The following LMNA variants were observed in gnomAD, a reference collection of about 807,000 sequenced individuals.
LMNA encodes lamin.
LMNA carries 20 observed loss-of-function variants against 70.4 expected under a neutral mutation model. The ratio of observed to expected loss-of-function variants is 0.28; its 90% CI spans 0.20 to 0.41. LMNA has a LOEUF of 0.41. Among genes scored for constraint, LMNA ranks in the 10% least tolerant of loss-of-function variants. The pLI is 1.00. For missense variants in LMNA, 652 were observed against 917.2 expected (o/e 0.71, Z 3.73); for synonymous variants, 339 against 372.8 (o/e 0.91, Z 1.04).
At chr1:156,086,404 C>CTG (rs1648476487) in intron 2 of LMNA, among the ~76,000 whole-genome samples, 1 of 151,988 alleles carries the variant, frequency 6.6e-6, no homozygotes, top group Non-Finnish European at 1.5e-5. Context: ...CTCTCTCTCT[C>CTG]TCTCTCTCTC....
chr1:156,093,450 C>T (rs1250680757), intron 3 of LMNA, among the ~76,000 whole-genome samples: 4 of 151,708 alleles, frequency 2.6e-5, no homozygotes, highest in Non-Finnish European at 5.9e-5. Flanking sequence ...GGATTACAGG[C>T]GTGCGCCACC....
At position 156,135,305 on chromosome 1, in the gene LMNA, A is replaced by G; in HGVS notation, c.929A>G (p.Gln310Arg). 6.2e-7 allele frequency: 1 copy of G among 1,603,954 alleles called. No individual in the cohort carries two copies. The highest frequency in any genetic ancestry group is 8.5e-7 in the Non-Finnish European group (1 of 1,174,168). Reference sequence around the variant, plus strand: ...CTCTCTGCCCAGCTCAGCCAGCTCCAGAAGCAGGTGATACCCCACCTCACC... The same window carrying G: ...CTCTCTGCCCAGCTCAGCCAGCTCCGGAAGCAGGTGATACCCCACCTCACC... ...DSLSAQLSQL[Q>R]KQLAAKEAKL... is the part of the protein sequence containing the mutation. The change falls in exon 5 of 12, where the codon CAG becomes CGG. Residue 310 changes from glutamine (Q) to arginine (R), a missense_variant. Around this residue, in one of 4 missense-constraint regions of LMNA, gnomAD observed 254 missense variants for 421.9 expected, o/e 0.60. Transcript: ENST00000368300. This position sits in a 1 kb window ranked among gnomAD's most constrained non-coding sequence, Gnocchi z 4.8.
chr1:156,083,296 T>G (rs536923713), intron 2 of LMNA: 1 of 151,716 alleles, frequency 6.6e-6, no homozygotes, highest in African/African-American at 2.4e-5. Flanking sequence ...GGACGGAGAG[T>G]GGGCAGGCAG....
intron 1 of LMNA, chr1:156,126,775 G>T (rs1558123291): frequency 3.1e-6 from 5 of 1,593,882 alleles, no homozygotes; most frequent in Non-Finnish European, 4.3e-6. Flanking sequence ...AGGATGCCCA[G>T]CCCTTCTCGC....
rs1202899745 is a variant in LMNA, at chr1:156,139,136, G to A, written c.*30G>A. ...GGACCTGCCAGGCAGGGGTGGGGGTGGAGGCTTCCTGCGTCCTCCTCACCT... is the reference window on the plus strand; with the variant it reads ...GGACCTGCCAGGCAGGGGTGGGGGTAGAGGCTTCCTGCGTCCTCCTCACCT... On this transcript the variant is annotated 3_prime_UTR_variant, in exon 12 of 12. Coordinates refer to ENST00000368300, the MANE Select transcript of LMNA (RefSeq NM_170707.4). 4 of 1,613,578 alleles carry A rather than the reference G, an allele frequency of 2.5e-6. No individual in the cohort carries two copies. The highest frequency in any genetic ancestry group is 1.7e-5 in the Admixed American group (1 of 60,030).
chr1:156,084,335 T>G (rs11313904), intron 2 of LMNA, among the ~76,000 whole-genome samples: 8,420 of 86,544 alleles, frequency 0.097, 704 homozygotes, highest in Non-Finnish European at 0.14. Context: ...GGTCGGGGGG[T>G]GGTGGGGGCA....
chr1:156,119,268 C>A (rs960871839), intron 1 of LMNA, among the ~76,000 whole-genome samples: 1 of 152,184 alleles, frequency 6.6e-6, no homozygotes, highest in Non-Finnish European at 1.5e-5. Context: ...CAGGCACATG[C>A]CATCACGCCC....
chr1:156,095,406 TGA>T (rs1401590525), intron 3 of LMNA, among the ~76,000 whole-genome samples: 6 of 152,226 alleles, frequency 3.9e-5, no homozygotes, highest in African/African-American at 1.4e-4. Flanking sequence ...TGATACTGAA[TGA>T]GTCACTCCCC....
At chr1:156,126,773 C>T (rs1174021302) in intron 1 of LMNA, 8 of 1,591,648 alleles carry the variant, frequency 5.0e-6, no homozygotes, top group Non-Finnish European at 6.8e-6. Context: ...ACAGGATGCC[C>T]AGCCCTTCTC....
intron 11 of LMNA, 67 bp from the exon 12 acceptor site, chr1:156,139,013 C>A: frequency 6.5e-7 from 1 of 1,547,832 alleles, no homozygotes; most frequent in Non-Finnish European, 8.9e-7. Flanking sequence ...CTTCTAGGGG[C>A]CAGGGGAGGG....
chr1:156,137,654 G>A lies in LMNA; in HGVS notation c.1609G>A (p.Glu537Lys), dbSNP rs932531070. ...GGACCTGGTTCCATGTCCCCACCAGGAAGTGGCCATGCGCAAGCTGGTGCG... is the reference window on the plus strand; with the variant it reads ...GGACCTGGTTCCATGTCCCCACCAGAAAGTGGCCATGCGCAAGCTGGTGCG... ...RTALINSTGE[E>K]VAMRKLVRSV... The change falls in exon 10 of 12, where the codon GAA (glutamate) becomes AAA (lysine). Residue 537 changes from glutamate (E) to lysine (K), a missense_variant and splice_region_variant. Physicochemically the swap from Glu to Lys is moderately conservative, Grantham distance 56. Around this residue, in one of 4 missense-constraint regions of LMNA, gnomAD observed 327 missense variants for 387.6 expected, o/e 0.84. Coordinates refer to ENST00000368300, the MANE Select transcript of LMNA (RefSeq NM_170707.4). This position sits in a 1 kb window ranked among gnomAD's most constrained non-coding sequence, Gnocchi z 4.6. 1 of 1,552,990 alleles carries A rather than the reference G, an allele frequency of 6.4e-7. No homozygotes were observed.
chr1:156,135,383 TTGGGGGTGGGGG>T lies in LMNA; in HGVS notation c.936+82_936+93del. ...CCGGATGCAGGCTGGAAGCCCAGGGTTGGGGGTGGGGGTGGGGGTGGGAGGTTCCTGAGGAGG... is the reference window on the plus strand; with the variant it reads ...CCGGATGCAGGCTGGAAGCCCAGGGTTGGGGGTGGGAGGTTCCTGAGGAGG... On this transcript the variant is annotated intron_variant, in intron 5 of 11. Coordinates refer to ENST00000368300, the MANE Select transcript of LMNA (RefSeq NM_170707.4). The surrounding 1 kb of genome is among the most constrained non-coding windows in gnomAD (Gnocchi z 4.8). 7 of 1,357,346 alleles carry T rather than the reference TTGGGGGTGGGGG, an allele frequency of 5.2e-6. No homozygotes were observed. Among genetic ancestry groups the T allele is most frequent in the Middle Eastern group, 2.6e-4 (1 of 3,832 alleles). 84.1% of individuals were successfully genotyped at this position (1,357,346 alleles called of 1,614,324 possible).
chr1:156,136,386 G>A lies in LMNA; in HGVS notation c.1330G>A (p.Glu444Lys), dbSNP rs545531053. Residue 444 changes from glutamate to lysine, a missense_variant, in exon 7 of 12, where the codon GAG (glutamate) becomes AAG (lysine). Coordinates refer to ENST00000368300, the MANE Select transcript of LMNA (RefSeq NM_170707.4). This position sits in a 1 kb window ranked among gnomAD's most constrained non-coding sequence, Gnocchi z 6.1. ...ARTSGRVAVE[E>K]VDEEGKFVRL... ...CACTAGCGGGCGCGTGGCCGTGGAG[G>A]AGGTGGATGAGGAGGGCAAGTTTGT... is the stretch of plus-strand genomic sequence containing the variant. The A allele has an allele frequency of 6.2e-7, 1 of 1,610,220 alleles. No individual in the cohort carries two copies. Among genetic ancestry groups the A allele is most frequent in the African/African-American group, 1.3e-5 (1 of 74,918 alleles).
chr1:156,089,694 G>T (rs901888637), intron 2 of LMNA, among the ~76,000 whole-genome samples: 3 of 152,112 alleles, frequency 2.0e-5, no homozygotes, highest in Non-Finnish European at 4.4e-5. Flanking sequence ...TGTTGTTGTG[G>T]ATCTGATCTC....
chr1:156,086,932 C>T (rs1018252360), intron 2 of LMNA, among the ~76,000 whole-genome samples: 1 of 152,182 alleles, frequency 6.6e-6, no homozygotes, highest in Non-Finnish European at 1.5e-5. Flanking sequence ...TGAGCCACCG[C>T]GCCCGGCCAG....
In LMNA at chr1:156,135,686, G is replaced by T; in HGVS notation, c.937-215G>T. On this transcript the variant is annotated intron_variant, in intron 5 of 11. Coordinates refer to ENST00000368300, the MANE Select transcript of LMNA (RefSeq NM_170707.4). The surrounding 1 kb of genome is among the most constrained non-coding windows in gnomAD (Gnocchi z 4.8). ...AAAAAGTCTAGCCTCAGAACGAGAG[G>T]TTTCAGTTAGACAAGGGGAAGGACT... The T allele has an allele frequency of 1.6e-6, 1 of 606,126 alleles. No individual in the cohort carries two copies. Among genetic ancestry groups the T allele is most frequent in the Non-Finnish European group, 2.9e-6 (1 of 343,058 alleles). The allele number at this position is 606,126 out of a possible 1,614,324, so 37.5% of individuals were successfully genotyped here. A position where few individuals can be genotyped will look rare whatever the true frequency, so the allele number is the denominator to read the frequency against.
Position 156,135,859 on chromosome 1 carries a change from A to C in LMNA, c.937-42A>C. 5 of 1,547,248 alleles carry C rather than the reference A, an allele frequency of 3.2e-6. No homozygotes were observed. The highest frequency in any genetic ancestry group is 4.5e-6 in the Non-Finnish European group (5 of 1,123,264). The stretch of plus-strand genomic sequence containing the variant: ...CCCACGTCCCTCCTTCCCCATACTT[A>C]GGGCCCTTGGGAGCTCACCAAACCC... On this transcript the variant is annotated intron_variant, in intron 5 of 11. Transcript: ENST00000368300. The surrounding 1 kb of genome is among the most constrained non-coding windows in gnomAD (Gnocchi z 4.8).
intron 3 of LMNA, among the ~76,000 whole-genome samples, chr1:156,094,126 G>T (rs1648815333): frequency 6.6e-6 from 1 of 152,180 alleles, no homozygotes; most frequent in Non-Finnish European, 1.5e-5. Flanking sequence ...CTTGGTGGAT[G>T]GCTCAGAAGG....
chr1:156,104,851 C>T (rs1052731992), intron 3 of LMNA, among the ~76,000 whole-genome samples: 4 of 152,194 alleles, frequency 2.6e-5, no homozygotes, highest in Non-Finnish European at 4.4e-5. Context: ...TTGCTGGACC[C>T]CATACTGCAC....
Sources: allele counts gnomAD v4.1 joint callset (sites outside exome capture counted in the v4.1 genomes callset), GRCh38; gene constraint gnomAD v4.1.1; regional missense constraint gnomAD v4.1.1; non-coding constraint Gnocchi (gnomAD v3.1); transcripts MANE v1.5; gene names NCBI Gene and HGNC (gene_info 2026-07-23, HGNC 2026-07-21).